The following LDLRAD3 variants were observed in gnomAD, a reference collection of about 807,000 sequenced individuals.
LDLRAD3 encodes the protein low-density lipoprotein receptor class A domain-containing protein 3.
LDLRAD3 carries 20 observed loss-of-function variants against 29.4 expected under a neutral mutation model. The observed-to-expected ratio is 0.68, with a 90% CI of 0.48 to 0.99. LDLRAD3 has a LOEUF of 0.99. LDLRAD3 is among the 50% of genes least tolerant of loss of function. The pLI is 0.00. For synonymous variants in LDLRAD3, 157 were observed against 192.7 expected (o/e 0.81, Z 1.53); for missense variants, 420 against 454.3 (o/e 0.92, Z 0.69).
intron 4 of LDLRAD3, among the ~76,000 whole-genome samples, chr11:36,128,132 ATATG>A (rs1039797027): frequency 5.6e-5 from 7 of 125,304 alleles, no homozygotes; most frequent in Non-Finnish European, 1.2e-4. Flanking sequence ...ATATATATAT[ATATG>A]TATATGACAT....
At chr11:36,005,826 G>A (rs1267345720) in intron 1 of LDLRAD3, among the ~76,000 whole-genome samples, 1 of 152,176 alleles carries the variant, frequency 6.6e-6, no homozygotes, top group African/African-American at 2.4e-5. Flanking sequence ...AGAAGGTGAA[G>A]GGAAAGCAAG....
chr11:36,046,125 C>T (rs931435064), intron 2 of LDLRAD3, among the ~76,000 whole-genome samples: 9 of 152,112 alleles, frequency 5.9e-5, no homozygotes, highest in South Asian at 2.1e-4. Flanking sequence ...CATCCATGTC[C>T]CTGCAAAGGA....
At chr11:36,175,727 T>G (rs1356229017) in intron 4 of LDLRAD3, among the ~76,000 whole-genome samples, 1 of 152,214 alleles carries the variant, frequency 6.6e-6, no homozygotes, top group Non-Finnish European at 1.5e-5. Flanking sequence ...TTGTGGCCTA[T>G]TATATGGTCT....
chr11:36,119,103 TAAAAATA>T (rs1853715538), intron 4 of LDLRAD3, among the ~76,000 whole-genome samples: 1 of 152,038 alleles, frequency 6.6e-6, no homozygotes, highest in African/African-American at 2.4e-5. Flanking sequence ...GCTGATGAGC[TAAAAATA>T]AAAAATAAAA....
intron 4 of LDLRAD3, among the ~76,000 whole-genome samples, chr11:36,140,178 C>G (rs920467570): frequency 1.3e-5 from 2 of 152,106 alleles, no homozygotes; most frequent in Admixed American, 6.5e-5. Context: ...CGAAGACTTA[C>G]CTGGGCAGTT....
intron 4 of LDLRAD3, among the ~76,000 whole-genome samples, chr11:36,172,325 G>A (rs756371974): frequency 3.3e-5 from 5 of 151,494 alleles, no homozygotes; most frequent in Admixed American, 6.6e-5. Context: ...CCTTTATTTC[G>A]TTCTCTTGTT....
intron 4 of LDLRAD3, among the ~76,000 whole-genome samples, chr11:36,203,660 T>C (rs3893421): frequency 0.31 from 46,560 of 152,100 alleles, 7,309 homozygotes; most frequent in African/African-American, 0.39. Flanking sequence ...TGCAAAGAAC[T>C]TTCTAGAATC....
chr11:36,197,771 G>C (rs1287887515), intron 4 of LDLRAD3: 1 of 152,084 alleles, frequency 6.6e-6, no homozygotes, highest in Non-Finnish European at 1.5e-5. Flanking sequence ...CTATAGACCA[G>C]GTATAGTGGC....
chr11:36,191,549 T>TCTCTCC, intron 4 of LDLRAD3, among the ~76,000 whole-genome samples: 1 of 58,164 alleles, frequency 1.7e-5, no homozygotes, highest in Non-Finnish European at 3.2e-5. Flanking sequence ...TCTCTCTCTC[T>TCTCTCC]CTCTCTCTCT....
intron 1 of LDLRAD3, among the ~76,000 whole-genome samples, chr11:35,960,846 C>T (rs923030956): frequency 1.3e-5 from 2 of 152,164 alleles, no homozygotes; most frequent in African/African-American, 2.4e-5. Flanking sequence ...CCGCCCGCCT[C>T]GCCTCCCAAA....
intron 3 of LDLRAD3, 148 bp from the exon 4 acceptor site, chr11:36,098,179 G>C (rs1853390975): frequency 1.1e-6 from 1 of 948,456 alleles, no homozygotes; most frequent in Middle Eastern, 3.4e-4. Flanking sequence ...TGGCTGGCCA[G>C]CCTTACAGCA....
intron 4 of LDLRAD3, among the ~76,000 whole-genome samples, chr11:36,179,412 T>C (rs1357679414): frequency 3.3e-5 from 5 of 151,906 alleles, no homozygotes; most frequent in Admixed American, 3.3e-4. Flanking sequence ...AGGTGGTGGT[T>C]GCAGTGAGCC....
At chr11:35,974,818 A>G (rs1256998320) in intron 1 of LDLRAD3, among the ~76,000 whole-genome samples, 1 of 152,218 alleles carries the variant, frequency 6.6e-6, no homozygotes, top group East Asian at 1.9e-4. Flanking sequence ...GTCCACATTC[A>G]GGGGAAGAGG....
At chr11:36,142,171 C>T (rs921748035) in intron 4 of LDLRAD3, among the ~76,000 whole-genome samples, 1 of 152,162 alleles carries the variant, frequency 6.6e-6, no homozygotes, top group Admixed American at 6.5e-5. Flanking sequence ...TGTGGACCTC[C>T]ATTTGGGACA....
At chr11:35,985,843 CT>C (rs112760228) in intron 1 of LDLRAD3, among the ~76,000 whole-genome samples, 409 of 143,562 alleles carry the variant, frequency 2.8e-3, no homozygotes, top group Non-Finnish European at 3.0e-3. Flanking sequence ...TCCATTAAGC[CT>C]TTTTTTTTTT....
intron 1 of LDLRAD3, among the ~76,000 whole-genome samples, chr11:36,015,421 G>T (rs1852009979): frequency 6.7e-6 from 1 of 150,076 alleles, no homozygotes; most frequent in Non-Finnish European, 1.5e-5. Context: ...GTAGAAGGAA[G>T]AAAGGAGAGG....
At chr11:36,027,886 C>T (rs1852188028) in intron 1 of LDLRAD3, among the ~76,000 whole-genome samples, 1 of 152,088 alleles carries the variant, frequency 6.6e-6, no homozygotes, top group Non-Finnish European at 1.5e-5. Flanking sequence ...GTAAAGTTGT[C>T]TCCTCCTTCA....
chr11:36,016,886 G>A (rs974806753), intron 1 of LDLRAD3, among the ~76,000 whole-genome samples: 3 of 152,180 alleles, frequency 2.0e-5, no homozygotes, highest in Non-Finnish European at 4.4e-5. Context: ...AAAGGCTGAT[G>A]TGGTACTATG....
At chr11:36,165,029 A>AT (rs1312163256) in intron 4 of LDLRAD3, among the ~76,000 whole-genome samples, 1 of 152,150 alleles carries the variant, frequency 6.6e-6, no homozygotes, top group African/African-American at 2.4e-5. Flanking sequence ...TTTTACCCAC[A>AT]TTTCCTGCTT....
Sources: gnomAD v4.1 joint callset for allele counts (sites outside exome capture counted in the v4.1 genomes callset) on GRCh38, gnomAD v4.1.1 for gene constraint, MANE v1.5 for transcripts, NCBI Gene and HGNC (gene_info 2026-07-23, HGNC 2026-07-21) for gene names.